Variants in EPS15 observed in about 807,000 individuals in gnomAD.
EPS15 encodes the protein epidermal growth factor receptor substrate 15.
EPS15 carries 72 observed loss-of-function variants against 113.8 expected under a neutral mutation model. That is an observed-to-expected ratio of 0.63 (90% CI 0.52 to 0.77). The LOEUF (loss-of-function observed/expected upper bound fraction) is 0.77. Among genes scored for constraint, EPS15 ranks in the 30% least tolerant of loss-of-function variants. The pLI, the probability that EPS15 is intolerant of heterozygous loss-of-function variation, is 0.00. For missense variants in EPS15, 1,048 were observed against 1,045.8 expected (o/e 1.00, Z -0.03); for synonymous variants, 344 against 363.4 (o/e 0.95, Z 0.61).
At chr1:51,473,753 T>G (rs1655408492) in intron 2 of EPS15, among the ~76,000 whole-genome samples, 1 of 152,204 alleles carries the variant, frequency 6.6e-6, no homozygotes. Context: ...CCAGTTTAGT[T>G]AAAAGATTAA....
chr1:51,502,595 C>G (rs564820433), intron 1 of EPS15, among the ~76,000 whole-genome samples: 1 of 152,016 alleles, frequency 6.6e-6, no homozygotes, highest in African/African-American at 2.4e-5. Flanking sequence ...CTAAGGTATC[C>G]ACTAAAAACT....
At chr1:51,412,212 G>A (rs1196950076) in intron 13 of EPS15, among the ~76,000 whole-genome samples, 1 of 152,132 alleles carries the variant, frequency 6.6e-6, no homozygotes, top group African/African-American at 2.4e-5. Flanking sequence ...CTGTCGGGAG[G>A]TGGGGGACAA....
At position 51,509,263 on chromosome 1, in the gene EPS15, T is replaced by C. The variant is rs755712922; in HGVS notation, c.33+9936A>G. Among the ~76,000 whole-genome samples, 162 of 152,254 alleles carry C rather than the reference T, an allele frequency of 1.1e-3. 2 individuals are homozygous for C. The highest frequency in any genetic ancestry group is 4.3e-4 in the Non-Finnish European group (29 of 68,020). On this transcript the variant is annotated intron_variant, in intron 1 of 24. Transcript: ENST00000371733. Reference sequence around the variant, plus strand: ...CATATAATTTCATATTTTTTATATATGCATAATGCTATATCTATGTTGTAC... The same window carrying C: ...CATATAATTTCATATTTTTTATATACGCATAATGCTATATCTATGTTGTAC...
chr1:51,384,290 CTT>C (rs1557785332), intron 21 of EPS15, among the ~76,000 whole-genome samples: 2 of 124,860 alleles, frequency 1.6e-5, no homozygotes, highest in African/African-American at 5.7e-5. Context: ...TTTTCTTTTT[CTT>C]TCTTTCTTTT....
At chr1:51,425,553 T>C (rs2148454754) in intron 12 of EPS15, among the ~76,000 whole-genome samples, 1 of 152,318 alleles carries the variant, frequency 6.6e-6, no homozygotes, top group East Asian at 1.9e-4. Context: ...TTGTGAAAAC[T>C]CACAAAGCTG....
At chr1:51,505,301 T>C (rs1179489519) in intron 1 of EPS15, among the ~76,000 whole-genome samples, 1 of 151,818 alleles carries the variant, frequency 6.6e-6, no homozygotes, top group African/African-American at 2.4e-5. Context: ...AATGAACAAA[T>C]GGAAAAACAA....
chr1:51,374,398 C>T (rs1445141372), intron 21 of EPS15, among the ~76,000 whole-genome samples: 1 of 152,156 alleles, frequency 6.6e-6, no homozygotes, highest in Admixed American at 6.5e-5. Flanking sequence ...GGGTGGATCA[C>T]CTGAGGTCAG....
chr1:51,468,158 G>C (rs951955645), intron 5 of EPS15, among the ~76,000 whole-genome samples: 1 of 151,884 alleles, frequency 6.6e-6, no homozygotes, highest in African/African-American at 2.4e-5. Context: ...TGGGGGTCTC[G>C]CTTTGTTTCC....
intron 7 of EPS15, among the ~76,000 whole-genome samples, chr1:51,462,870 A>ATTTTTTTT (rs34320767): frequency 9.0e-5 from 10 of 111,070 alleles, no homozygotes; most frequent in Non-Finnish European, 1.1e-4. Context: ...AAAAAGTCAG[A>ATTTTTTTT]TTTTTTTTTT....
At chr1:51,369,775 T>C (rs1457844231) in intron 21 of EPS15, among the ~76,000 whole-genome samples, 2 of 152,202 alleles carry the variant, frequency 1.3e-5, no homozygotes, top group African/African-American at 4.8e-5. Context: ...GTATTTGACA[T>C]ATATTTGTTC....
chr1:51,374,601 T>C (rs1646741858), intron 21 of EPS15, among the ~76,000 whole-genome samples: 1 of 152,154 alleles, frequency 6.6e-6, no homozygotes, highest in Non-Finnish European at 1.5e-5. Flanking sequence ...CAAAACTCTG[T>C]CTCCAAAACA....
chr1:51,456,399 G>C (rs74690678), intron 8 of EPS15, among the ~76,000 whole-genome samples: 6,696 of 151,876 alleles, frequency 0.044, 227 homozygotes, highest in Middle Eastern at 0.11. Context: ...TTAACCCAAG[G>C]GGAAATGGGC....
intron 1 of EPS15, among the ~76,000 whole-genome samples, chr1:51,506,134 AC>A (rs1466201820): frequency 6.6e-6 from 1 of 152,024 alleles, no homozygotes; most frequent in African/African-American, 2.4e-5. Context: ...TGATCCTCCC[AC>A]CTCAGCCTCC....
intron 24 of EPS15, among the ~76,000 whole-genome samples, chr1:51,358,373 A>C (rs1315142081): frequency 6.6e-6 from 1 of 152,228 alleles, no homozygotes; most frequent in East Asian, 1.9e-4. Flanking sequence ...CTTAACACTC[A>C]TAATTATTAT....
intron 1 of EPS15, among the ~76,000 whole-genome samples, chr1:51,483,543 TGTG>T (rs1644061786): frequency 1.3e-5 from 2 of 151,728 alleles, no homozygotes; most frequent in Non-Finnish European, 2.9e-5. Flanking sequence ...CACGGTGGCA[TGTG>T]CCTGTAATCC....
At chr1:51,375,990 A>G (rs955412226) in intron 21 of EPS15, among the ~76,000 whole-genome samples, 4 of 152,266 alleles carry the variant, frequency 2.6e-5, no homozygotes, top group African/African-American at 9.6e-5. Flanking sequence ...CAAGTTATCC[A>G]GAAGTCTAGC....
intron 1 of EPS15, among the ~76,000 whole-genome samples, chr1:51,517,718 T>C (rs1413750643): frequency 6.7e-6 from 1 of 148,828 alleles, no homozygotes; most frequent in Non-Finnish European, 1.5e-5. Context: ...AACCACCACA[T>C]TCCATGTTAA....
At chr1:51,491,334 C>T (rs946931396) in intron 1 of EPS15, among the ~76,000 whole-genome samples, 3 of 152,168 alleles carry the variant, frequency 2.0e-5, no homozygotes, top group African/African-American at 7.2e-5. Context: ...AGCCTTTCAA[C>T]TCCCACCTCA....
At chr1:51,372,482 T>A (rs920690751) in intron 21 of EPS15, 2 of 533,430 alleles carry the variant, frequency 3.7e-6, no homozygotes, top group Non-Finnish European at 7.6e-6. Context: ...TAGACCATGA[T>A]TATTTGGAAA....
Sources: allele counts gnomAD v4.1 joint callset (sites outside exome capture counted in the v4.1 genomes callset), GRCh38; gene constraint gnomAD v4.1.1; transcripts MANE v1.5; gene names NCBI Gene and HGNC (gene_info 2026-07-23, HGNC 2026-07-21).